The following GFPT1 variants were observed in gnomAD, a reference collection of about 807,000 sequenced individuals.
GFPT1 encodes the protein glutamine--fructose-6-phosphate aminotransferase [isomerizing] 1.
Under a neutral mutation model 92.0 loss-of-function variants are expected in GFPT1, and 40 were observed. The observed-to-expected ratio is 0.43, with a 90% CI of 0.34 to 0.57. GFPT1 has a LOEUF of 0.57. GFPT1 is among the 20% of genes least tolerant of loss of function. The probability of loss-of-function intolerance (pLI) is 0.02; values close to 1 mark genes in which losing one functional copy is unlikely to be tolerated. For synonymous variants in GFPT1, 269 were observed against 280.6 expected (o/e 0.96, Z 0.41); for missense variants, 448 against 869.1 (o/e 0.52, Z 6.09).
intron 15 of GFPT1, 94 bp downstream of exon 15, chr2:69,337,804 C>T (rs1428515973): frequency 9.9e-7 from 1 of 1,007,762 alleles, no homozygotes; most frequent in Non-Finnish European, 1.6e-6. Context: ...TCTATAACTG[C>T]TAACAAAAAT....
intron 15 of GFPT1, among the ~76,000 whole-genome samples, chr2:69,332,779 GA>G (rs1406299717): frequency 6.6e-6 from 1 of 152,066 alleles, no homozygotes. Flanking sequence ...AATTTATGCT[GA>G]GGGGTGTGTG....
intron 2 of GFPT1, 47 bp downstream of exon 2, chr2:69,373,959 T>A (rs746271043): frequency 3.4e-6 from 3 of 871,064 alleles, no homozygotes; most frequent in Admixed American, 3.4e-5. Flanking sequence ...AAAAATAGTA[T>A]CTATTTAAAG....
chr2:69,345,814 G>A lies in GFPT1; in HGVS notation c.1105+90C>T, dbSNP rs1450802128. 1.7e-5 allele frequency: 13 copies of A among 784,752 alleles called. No homozygotes were observed. The South Asian group carries it at 1.8e-4, about 11-fold the overall frequency. 48.6% of individuals were successfully genotyped at this position (784,752 alleles called of 1,614,324 possible). ...GCTGGCAGCTGTAGTTGTTCTACAA[G>A]GCTATTAAGGGCAATGAACTTTCAG... On this transcript the variant is annotated intron_variant, in intron 12 of 19. Transcript: ENST00000357308.
intron 3 of GFPT1, among the ~76,000 whole-genome samples, chr2:69,369,572 C>T (rs975514799): frequency 6.6e-6 from 1 of 152,146 alleles, no homozygotes; most frequent in Non-Finnish European, 1.5e-5. Flanking sequence ...TTATATCAGA[C>T]CTATTCAAAG....
At chr2:69,340,671 T>C (rs1004683050) in intron 13 of GFPT1, among the ~76,000 whole-genome samples, 2 of 152,070 alleles carry the variant, frequency 1.3e-5, no homozygotes, top group Non-Finnish European at 2.9e-5. Context: ...AAATGTGTCA[T>C]GAAACAACAA....
chr2:69,336,408 C>CA (rs1339758124), intron 15 of GFPT1, among the ~76,000 whole-genome samples: 2 of 148,026 alleles, frequency 1.4e-5, no homozygotes, highest in Non-Finnish European at 1.5e-5. Flanking sequence ...AAACTTTCTA[C>CA]AAAAAATTCT....
At position 69,356,433 on chromosome 2, in the gene GFPT1, G is replaced by A. The variant is rs550207837; in HGVS notation, c.605+63C>T. 68 of 1,143,624 alleles carry A rather than the reference G, an allele frequency of 5.9e-5. 1 individual carries two copies. In the South Asian group the frequency reaches 6.8e-4, roughly 12 times the overall value. 70.8% of individuals were successfully genotyped at this position (1,143,624 alleles called of 1,614,324 possible). A position where few individuals can be genotyped will look rare whatever the true frequency, so the allele number is the denominator to read the frequency against. On this transcript the variant is annotated intron_variant, in intron 7 of 19. Transcript: ENST00000357308. ...TAATAAAGGGTCATGTATAGTCTAC[G>A]AAGAATAAACATGTAACTCAAATAT...
At chr2:69,378,061 G>C (rs1361727762) in intron 1 of GFPT1, among the ~76,000 whole-genome samples, 1 of 152,096 alleles carries the variant, frequency 6.6e-6, no homozygotes, top group Non-Finnish European at 1.5e-5. Flanking sequence ...TGTCGCCAAG[G>C]CTGGCGCCAT....
intron 7 of GFPT1, among the ~76,000 whole-genome samples, chr2:69,355,696 T>C (rs1671319704): frequency 6.6e-6 from 1 of 152,210 alleles, no homozygotes; most frequent in Admixed American, 6.5e-5. Context: ...TATGAAAGTG[T>C]AGCACCTTCT....
At position 69,355,817 on chromosome 2, in the gene GFPT1, T is replaced by A. The variant is rs569953183; in HGVS notation, c.605+679A>T. Reference sequence around the variant, plus strand: ...TAAATATCCTAGCAAGAAGTAGTGATGGTACAATTATCTAGGAATCTGTCT... The same window carrying A: ...TAAATATCCTAGCAAGAAGTAGTGAAGGTACAATTATCTAGGAATCTGTCT... On this transcript the variant is annotated intron_variant, in intron 7 of 19. Coordinates refer to ENST00000357308, the MANE Select transcript of GFPT1 (RefSeq NM_001244710.2). Among the ~76,000 whole-genome samples the A allele has an allele frequency of 2.6e-5, 4 of 152,260 alleles. No individual in the cohort carries two copies. In the South Asian group the frequency reaches 8.3e-4, roughly 32 times the overall value.
intron 5 of GFPT1, 45 bp from the exon 6 acceptor site, chr2:69,358,508 T>C: frequency 7.3e-7 from 1 of 1,361,246 alleles, no homozygotes; most frequent in Non-Finnish European, 1.0e-6. Flanking sequence ...GAAATATTAA[T>C]GATAAAAAAA....
In GFPT1 at chr2:69,384,049, A is replaced by C. The variant is rs1672069538; in HGVS notation, c.7+3016T>G. 2.0e-5 allele frequency among the ~76,000 whole-genome samples: 3 copies of C among 152,250 alleles called. No homozygotes were observed. In the South Asian group the frequency reaches 6.2e-4, roughly 32 times the overall value. On this transcript the variant is annotated intron_variant, in intron 1 of 19. Transcript: ENST00000357308. ...AAGTGACTTGACACTCAGCAAAACC[A>C]AAAATAATGCAAATAAAAAGGACAA... is the stretch of plus-strand genomic sequence containing the variant.
chr2:69,381,226 G>C (rs1672000321), intron 1 of GFPT1, among the ~76,000 whole-genome samples: 1 of 152,102 alleles, frequency 6.6e-6, no homozygotes, highest in African/African-American at 2.4e-5. Context: ...CAGGTGATCT[G>C]CCCGCCTCGG....
intron 9 of GFPT1, among the ~76,000 whole-genome samples, chr2:69,351,261 CATTAAT>C (rs543296666): frequency 7.4e-4 from 113 of 152,206 alleles, no homozygotes; most frequent in African/African-American, 2.6e-3. Flanking sequence ...TTTGTCAAGA[CATTAAT>C]ATTAACTTTT....
rs149653223 is a variant in GFPT1, at chr2:69,382,938, T to C, written c.7+4127A>G. On this transcript the variant is annotated intron_variant, in intron 1 of 19. Coordinates refer to ENST00000357308, the MANE Select transcript of GFPT1 (RefSeq NM_001244710.2). ...TGTATTTTCACCTGAAGCTGTTGCA[T>C]GTGCATTCATTTTCTTTCCTCTGAT... 1.4e-3 allele frequency among the ~76,000 whole-genome samples: 215 copies of C among 152,358 alleles called. 1 individual carries two copies. In the Middle Eastern group the frequency reaches 0.017, roughly 12 times the overall value.
chr2:69,347,480 C>CT (rs202193663), intron 11 of GFPT1, among the ~76,000 whole-genome samples: 72,472 of 144,296 alleles, frequency 0.5, 18,964 homozygotes, highest in African/African-American at 0.69. Context: ...TTTTAAGCTT[C>CT]TTTTTTTTTT....
In GFPT1 at chr2:69,324,815, A is replaced by G. The variant is rs1670492250; in HGVS notation, c.*1374T>C. The G allele has an allele frequency of 6.6e-6, 1 of 152,198 alleles. No individual in the cohort carries two copies. Among genetic ancestry groups the G allele is most frequent in the African/African-American group, 2.4e-5 (1 of 41,470 alleles). The allele number at this position is 152,198 out of a possible 1,614,324, so 9.4% of individuals were successfully genotyped here. On this transcript the variant is annotated 3_prime_UTR_variant, in exon 20 of 20. Transcript: ENST00000357308. Reference sequence around the variant, plus strand: ...AACACACTCTCCTATAGCCCTGAAGATCTGGCCAGAAAAGCTCCATTAAGA... The same window carrying G: ...AACACACTCTCCTATAGCCCTGAAGGTCTGGCCAGAAAAGCTCCATTAAGA...
Position 69,376,645 on chromosome 2 carries a change from G to A in GFPT1, c.8-2532C>T, listed in dbSNP as rs542881622. On this transcript the variant is annotated intron_variant, in intron 1 of 19. Coordinates refer to ENST00000357308, the MANE Select transcript of GFPT1 (RefSeq NM_001244710.2). ...TATTTGAAAACAGAAGCCTGTCGAG[G>A]ATTGTTTGCAGATTGTCCAGAGCTG... Among the ~76,000 whole-genome samples, 6 of 152,310 alleles carry A rather than the reference G, an allele frequency of 3.9e-5. No homozygotes were observed. The East Asian group carries it at 1.2e-3, about 29-fold the overall frequency.
chr2:69,352,792 T>A (rs936533731), intron 9 of GFPT1, among the ~76,000 whole-genome samples: 1 of 152,002 alleles, frequency 6.6e-6, no homozygotes, highest in South Asian at 2.1e-4. Flanking sequence ...ACACCTGTAA[T>A]CCCAGCACTT....
Sources: gnomAD v4.1 joint callset for allele counts (sites outside exome capture counted in the v4.1 genomes callset) on GRCh38, gnomAD v4.1.1 for gene constraint, MANE v1.5 for transcripts, NCBI Gene and HGNC (gene_info 2026-07-23, HGNC 2026-07-21) for gene names.